NRG2: variants seen among roughly 807,000 people sequenced by gnomAD.
The protein encoded by NRG2 is pro-neuregulin-2, membrane-bound isoform.
Under a neutral mutation model 73.9 loss-of-function variants are expected in NRG2, and 27 were observed. That is an observed-to-expected ratio of 0.37 (90% confidence interval 0.27 to 0.50). NRG2 has a LOEUF of 0.50. Ranked by LOEUF, NRG2 falls within the 20% of genes least tolerant of loss-of-function variation. The pLI is 0.96. For missense variants in NRG2, 1,126 were observed against 1,210.1 expected, an observed-to-expected ratio of 0.93 and a Z score of 1.03; for synonymous variants, 532 against 541.0, an observed-to-expected ratio of 0.98 and a Z score of 0.23.
Position 139,957,524 on chromosome 5 carries a change from G to A in NRG2, c.701-70013C>T, listed in dbSNP as rs1286526087. 2.0e-5 allele frequency among the ~76,000 whole-genome samples: 3 copies of A among 152,156 alleles called. No homozygotes were observed. The East Asian group carries it at 5.8e-4, about 29-fold the overall frequency. ...GAGGAAGTCAGCCATGGGTCTAGTA[G>A]ACTAGATCTCAGGCACTGGGAGTCC... On this transcript the variant is annotated intron_variant, in intron 1 of 9. Transcript: ENST00000361474.
At chr5:139,911,429 C>T (rs1423908197) in intron 1 of NRG2, among the ~76,000 whole-genome samples, 1 of 152,134 alleles carries the variant, frequency 6.6e-6, no homozygotes, top group Non-Finnish European at 1.5e-5. Context: ...GTTACTCTGT[C>T]CACCAGCTCT....
chr5:140,022,145 G>A (rs1561758992), intron 1 of NRG2, among the ~76,000 whole-genome samples: 1 of 152,128 alleles, frequency 6.6e-6, no homozygotes, highest in East Asian at 1.9e-4. Context: ...ACTGAACTAG[G>A]CATTGTACAG....
intron 5 of NRG2, among the ~76,000 whole-genome samples, chr5:139,858,869 C>A (rs1043147999): frequency 6.6e-6 from 1 of 152,200 alleles, no homozygotes; most frequent in Non-Finnish European, 1.5e-5. Context: ...TAGCTATAGA[C>A]AGATGCACTC....
In NRG2 at chr5:139,851,803, G is replaced by A. The variant is rs370548109; in HGVS notation, c.1573C>T (p.Arg525Cys). The A allele has an allele frequency of 9.3e-6, 15 of 1,614,104 alleles. No homozygotes were observed. The highest frequency in any genetic ancestry group is 5.3e-5 in the African/African-American group (4 of 74,942). Residue 525 changes from arginine to cysteine, a missense_variant, in exon 9 of 10, where the codon CGT becomes TGT. By Grantham distance (180) the Arg-to-Cys change is radical. Transcript: ENST00000361474. The surrounding 1 kb of genome is among the most constrained non-coding windows in gnomAD (Gnocchi z 4.2). ...GAGTCAGAAGTCAGGCTCTCAGAAC[G>A]TTCCAGGCTCCACGTGTGGCTCTCG... ...RHESHTWSLE[R>C]SESLTSDSQS...
intron 1 of NRG2, among the ~76,000 whole-genome samples, chr5:139,991,911 G>A (rs266020): frequency 0.37 from 55,590 of 151,956 alleles, 10,798 homozygotes; most frequent in East Asian, 0.61. Context: ...TTATTGGTCA[G>A]TTTGTTTTTC....
At chr5:139,953,025 T>TA (rs1754338806) in intron 1 of NRG2, among the ~76,000 whole-genome samples, 1 of 151,948 alleles carries the variant, frequency 6.6e-6, no homozygotes, top group East Asian at 1.9e-4. Flanking sequence ...AACATTGCCA[T>TA]AAAAAAGAGG....
intron 1 of NRG2, among the ~76,000 whole-genome samples, chr5:140,035,515 A>G (rs1761442745): frequency 6.6e-6 from 1 of 152,244 alleles, no homozygotes; most frequent in Non-Finnish European, 1.5e-5. Flanking sequence ...GTTGAAGCAA[A>G]CATTGAAAAG....
chr5:140,006,583 C>G (rs1758918267), intron 1 of NRG2, among the ~76,000 whole-genome samples: 2 of 152,132 alleles, frequency 1.3e-5, no homozygotes, highest in South Asian at 4.1e-4. Flanking sequence ...ATGGAGCATT[C>G]ATAAGATTGT....
chr5:140,034,609 G>A (rs957520452), intron 1 of NRG2, among the ~76,000 whole-genome samples: 6 of 151,826 alleles, frequency 4.0e-5, no homozygotes, highest in African/African-American at 1.5e-4. Context: ...CAAAAAGAAA[G>A]TTAATAGAAC....
At chr5:139,977,385 A>G (rs1051672442) in intron 1 of NRG2, among the ~76,000 whole-genome samples, 12 of 152,254 alleles carry the variant, frequency 7.9e-5, no homozygotes, top group Non-Finnish European at 1.5e-4. Context: ...CAAGTCAGCC[A>G]GCATCAAGCT....
At chr5:139,916,796 T>C (rs921544101) in intron 1 of NRG2, among the ~76,000 whole-genome samples, 1 of 152,232 alleles carries the variant, frequency 6.6e-6, no homozygotes, top group African/African-American at 2.4e-5. Flanking sequence ...TATATGTTCA[T>C]CAGTTGATGG....
intron 1 of NRG2, among the ~76,000 whole-genome samples, chr5:139,995,697 T>C (rs1757967580): frequency 6.6e-6 from 1 of 152,088 alleles, no homozygotes; most frequent in Non-Finnish European, 1.5e-5. Flanking sequence ...ACAGGTATTA[T>C]GGGGCATTCC....
At position 139,979,710 on chromosome 5, in the gene NRG2, G is replaced by T. The variant is rs1055723617; in HGVS notation, c.700+62660C>A. Among the ~76,000 whole-genome samples the T allele has an allele frequency of 1.2e-3, 177 of 152,168 alleles. 5 individuals are homozygous for T. The highest frequency in any genetic ancestry group is 6.5e-5 in the Admixed American group (1 of 15,270). ...CTTGGAAGCAGATCTTCCAAATCCT[G>T]CCAACGACACATGAGTGAGCTTCAA... On this transcript the variant is annotated intron_variant, in intron 1 of 9. Coordinates refer to ENST00000361474, the MANE Select transcript of NRG2 (RefSeq NM_004883.3).
rs141156385 is a variant in NRG2 at position 139,866,632 on chromosome 5, C to T, written c.1113-1007G>A. The stretch of plus-strand genomic sequence containing the variant: ...CAAGGTCCTAGTGGCAGCCAGCCTG[C>T]GAAACTCTTCCATTTCCCCATGACC... On this transcript the variant is annotated intron_variant, in intron 4 of 9. Coordinates refer to ENST00000361474, the MANE Select transcript of NRG2 (RefSeq NM_004883.3). Among the ~76,000 whole-genome samples, 202 of 152,278 alleles carry T rather than the reference C, an allele frequency of 1.3e-3. 2 individuals carry two copies. Among genetic ancestry groups the T allele is most frequent in the African/African-American group, 4.4e-3 (181 of 41,544 alleles).
intron 1 of NRG2, among the ~76,000 whole-genome samples, chr5:140,030,984 G>GA (rs953934727): frequency 1.3e-4 from 19 of 150,892 alleles, no homozygotes; most frequent in Admixed American, 4.0e-4. Context: ...ATGACTTCTG[G>GA]AAAAAAAAAC....
In NRG2 at chr5:139,852,366, G is replaced by A; in HGVS notation, c.1544+66C>T. ...TGAATAGCTCTGGATGTCGGAGTAA[G>A]TGGGCACTTTGCGCCAGATGAAGTA... On this transcript the variant is annotated intron_variant, in intron 8 of 9. Transcript: ENST00000361474. This position sits in a 1 kb window ranked among gnomAD's most constrained non-coding sequence, Gnocchi z 4.4. 6.4e-7 allele frequency: 1 copy of A among 1,573,584 alleles called. No individual in the cohort carries two copies. Among genetic ancestry groups the A allele is most frequent in the Non-Finnish European group, 8.6e-7 (1 of 1,158,546 alleles).
chr5:139,938,975 G>T (rs58478825), intron 1 of NRG2, among the ~76,000 whole-genome samples: 1 of 126,898 alleles, frequency 7.9e-6, no homozygotes, highest in Non-Finnish European at 1.7e-5. Flanking sequence ...AAGGAAGGAA[G>T]GGAAGGAAGG....
At chr5:139,981,439 C>T (rs1240327900) in intron 1 of NRG2, among the ~76,000 whole-genome samples, 1 of 152,236 alleles carries the variant, frequency 6.6e-6, no homozygotes, top group East Asian at 1.9e-4. Context: ...CTTACGGATC[C>T]TTAACCCGCC....
intron 1 of NRG2, among the ~76,000 whole-genome samples, chr5:139,981,954 G>C (rs1158948132): frequency 6.6e-6 from 1 of 152,176 alleles, no homozygotes; most frequent in African/African-American, 2.4e-5. Flanking sequence ...GGGTGGCGCT[G>C]GAGAAAGAAG....
Sources: allele counts gnomAD v4.1 joint callset (sites outside exome capture counted in the v4.1 genomes callset), GRCh38; gene constraint gnomAD v4.1.1; non-coding constraint Gnocchi (gnomAD v3.1); transcripts MANE v1.5; gene names NCBI Gene and HGNC (gene_info 2026-07-23, HGNC 2026-07-21).